AGMO: variants seen among roughly 807,000 people sequenced by gnomAD.
AGMO encodes the protein alkylglycerol monooxygenase, also known as glyceryl-ether monooxygenase.
AGMO carries 75 observed loss-of-function variants against 60.2 expected under a neutral mutation model. That is an observed-to-expected ratio of 1.25 (90% CI 1.03 to 1.51). The LOEUF is 1.51. Among genes scored for constraint, AGMO ranks in the 40% most tolerant of loss-of-function variants. The probability of loss-of-function intolerance (pLI) is 0.00; values close to 1 mark genes in which losing one functional copy is unlikely to be tolerated. For missense variants in AGMO, 763 were observed against 525.5 expected, an observed-to-expected ratio of 1.45 and a Z score of -4.42; for synonymous variants, 261 against 177.1, an observed-to-expected ratio of 1.47 and a Z score of -3.76.
chr7:15,490,369 C>A (rs2117836), intron 3 of AGMO, among the ~76,000 whole-genome samples: 11 of 151,858 alleles, frequency 7.2e-5, no homozygotes, highest in Non-Finnish European at 1.2e-4. Flanking sequence ...TAAAGAAATC[C>A]TCAATATTTT....
intron 12 of AGMO, among the ~76,000 whole-genome samples, chr7:15,328,686 T>C (rs1193820811): frequency 2.0e-5 from 3 of 152,152 alleles, no homozygotes; most frequent in African/African-American, 7.2e-5. Flanking sequence ...CAATATTTCT[T>C]TTGAATGTGA....
chr7:15,365,749 C>A (rs1782951559), intron 11 of AGMO, 130 bp from the exon 12 acceptor site: 5 of 669,016 alleles, frequency 7.5e-6, no homozygotes, highest in Non-Finnish European at 1.2e-5. Context: ...AAGCATGTCC[C>A]CTGAAGCAAT....
intron 12 of AGMO, among the ~76,000 whole-genome samples, chr7:15,274,301 T>C (rs1783712830): frequency 6.6e-6 from 1 of 152,208 alleles, no homozygotes. Flanking sequence ...CATCAATACC[T>C]AATTTATTGA....
chr7:15,422,112 G>T (rs1250763278), intron 4 of AGMO, among the ~76,000 whole-genome samples: 1 of 152,118 alleles, frequency 6.6e-6, no homozygotes, highest in Non-Finnish European at 1.5e-5. Context: ...CTAGAATGCA[G>T]TCCTCAAGTT....
At chr7:15,178,682 G>A in the AGMO span, among the ~76,000 whole-genome samples, 1 of 152,186 alleles carries the variant, frequency 6.6e-6, no homozygotes, top group Non-Finnish European at 1.5e-5. Context: ...AGGTGGACAA[G>A]AAGGACTGTT....
At chr7:15,188,141 A>C in the AGMO span, among the ~76,000 whole-genome samples, 7 of 152,180 alleles carry the variant, frequency 4.6e-5, no homozygotes, top group African/African-American at 1.7e-4. Flanking sequence ...AGGTTCACGA[A>C]GAAGGGCGCA....
At chr7:15,235,638 A>C (rs1782395656) in intron 12 of AGMO, among the ~76,000 whole-genome samples, 1 of 152,142 alleles carries the variant, frequency 6.6e-6, no homozygotes, top group Non-Finnish European at 1.5e-5. Flanking sequence ...CTACTGTTTC[A>C]GAAAATAGAT....
intron 12 of AGMO, among the ~76,000 whole-genome samples, chr7:15,283,587 A>C (rs1269199036): frequency 1.3e-5 from 2 of 152,092 alleles, no homozygotes; most frequent in Non-Finnish European, 2.9e-5. Context: ...TTACAAAACA[A>C]ATACTACTAG....
At chr7:15,230,064 T>A (rs57506862) in intron 12 of AGMO, among the ~76,000 whole-genome samples, 7,049 of 151,934 alleles carry the variant, frequency 0.046, 555 homozygotes, top group African/African-American at 0.16. Flanking sequence ...TGTCTACACA[T>A]AGGCACATAC....
intron 5 of AGMO, among the ~76,000 whole-genome samples, chr7:15,401,706 C>G (rs891969965): frequency 6.6e-6 from 1 of 151,996 alleles, no homozygotes; most frequent in Admixed American, 6.6e-5. Flanking sequence ...ATAAAAGATG[C>G]TTACAAATAT....
At chr7:15,186,788 CCCA>C in the AGMO span, among the ~76,000 whole-genome samples, 1 of 152,278 alleles carries the variant, frequency 6.6e-6, no homozygotes, top group East Asian at 1.9e-4. Context: ...CGCCACCGCC[CCCA>C]CATGCTTCCT....
At chr7:15,301,094 T>A (rs1001889298) in intron 12 of AGMO, among the ~76,000 whole-genome samples, 1 of 152,154 alleles carries the variant, frequency 6.6e-6, no homozygotes, top group Non-Finnish European at 1.5e-5. Context: ...ATTATTTCAG[T>A]GATTGCATGT....
intron 5 of AGMO, among the ~76,000 whole-genome samples, chr7:15,394,656 G>A (rs184142145): frequency 1.3e-5 from 2 of 152,204 alleles, no homozygotes; most frequent in Non-Finnish European, 2.9e-5. Context: ...TTTATTTACG[G>A]GAGCAGGGTA....
chr7:15,174,740 T>A, the AGMO span, among the ~76,000 whole-genome samples: 2 of 143,222 alleles, frequency 1.4e-5, no homozygotes, highest in Non-Finnish European at 3.2e-5. Context: ...CACACCTATT[T>A]TAAATAAATG....
intron 12 of AGMO, among the ~76,000 whole-genome samples, chr7:15,320,347 T>C (rs1380693496): frequency 1.3e-5 from 2 of 152,046 alleles, no homozygotes; most frequent in African/African-American, 4.8e-5. Context: ...ATTTTCACAG[T>C]AGCCACAGAG....
Position 15,544,842 on chromosome 7 carries a change from A to G in AGMO, c.339T>C (p.Ser113=). The G allele has an allele frequency of 6.2e-7, 1 of 1,610,688 alleles. No homozygotes were observed. The highest frequency in any genetic ancestry group is 1.3e-5 in the African/African-American group (1 of 74,924). Residue 113 remains serine (S), a synonymous_variant, in exon 3 of 13, where the codon TCT becomes TCC. Transcript: ENST00000342526. ...NYRLFNLPWD[S]PWTWYSAFLG... ...AGAAGGCTGAATACCAAGTCCATGG[A>G]GAATCCCAAGGCAAATTGAACAGCC...
At chr7:15,536,698 T>C (rs1219028982) in intron 3 of AGMO, among the ~76,000 whole-genome samples, 2 of 151,912 alleles carry the variant, frequency 1.3e-5, no homozygotes, top group Admixed American at 6.6e-5. Context: ...CATAAGTAAA[T>C]GTATTAATTC....
chr7:15,321,301 T>A (rs1286897605), intron 12 of AGMO, among the ~76,000 whole-genome samples: 2 of 152,142 alleles, frequency 1.3e-5, no homozygotes, highest in East Asian at 3.9e-4. Context: ...CCCAAACGGA[T>A]GTTCTACATT....
At chr7:15,294,865 G>C (rs1784368917) in intron 12 of AGMO, among the ~76,000 whole-genome samples, 1 of 151,838 alleles carries the variant, frequency 6.6e-6, no homozygotes, top group Non-Finnish European at 1.5e-5. Context: ...CAACTGAAAA[G>C]TCATGAAATT....
Sources: gnomAD v4.1 joint callset for allele counts (sites outside exome capture counted in the v4.1 genomes callset) on GRCh38, gnomAD v4.1.1 for gene constraint, MANE v1.5 for transcripts, NCBI Gene and HGNC (gene_info 2026-07-23, HGNC 2026-07-21) for gene names.